PTPRK: variants seen among roughly 807,000 people sequenced by gnomAD.
PTPRK encodes the protein receptor-type tyrosine-protein phosphatase kappa.
A neutral mutation model predicts 178.0 loss-of-function variants in PTPRK; 75 were observed. The ratio of observed to expected loss-of-function variants is 0.42; its 90% CI spans 0.35 to 0.51. The LOEUF (loss-of-function observed/expected upper bound fraction) is 0.51. Among genes scored for constraint, PTPRK ranks in the 20% least tolerant of loss-of-function variants. The pLI is 0.02. For synonymous variants in PTPRK, 637 were observed against 620.6 expected (o/e 1.03, Z -0.39); for missense variants, 1,441 against 1,797.8 (o/e 0.80, Z 3.59).
At chr6:128,376,807 A>G (rs1234976152) in intron 2 of PTPRK, among the ~76,000 whole-genome samples, 1 of 152,164 alleles carries the variant, frequency 6.6e-6, no homozygotes, top group Non-Finnish European at 1.5e-5. Flanking sequence ...ACCTCTCTCA[A>G]GTTCAAACTT....
At chr6:128,040,001 A>G (rs1241836341) in intron 13 of PTPRK, among the ~76,000 whole-genome samples, 1 of 152,206 alleles carries the variant, frequency 6.6e-6, no homozygotes, top group Non-Finnish European at 1.5e-5. Context: ...TAAATTTAAA[A>G]AAAGCAAATT....
chr6:128,035,795 A>G (rs982179846), intron 13 of PTPRK, among the ~76,000 whole-genome samples: 2 of 152,036 alleles, frequency 1.3e-5, no homozygotes, highest in Non-Finnish European at 2.9e-5. Context: ...CAGTTAGATT[A>G]AGACTCTATA....
At chr6:128,283,148 T>C (rs1156756186) in intron 3 of PTPRK, among the ~76,000 whole-genome samples, 2 of 152,124 alleles carry the variant, frequency 1.3e-5, no homozygotes, top group African/African-American at 2.4e-5. Flanking sequence ...TGACTTGTGC[T>C]CGCCCCCAAG....
At chr6:128,012,033 T>G (rs576647140) in intron 13 of PTPRK, among the ~76,000 whole-genome samples, 1 of 151,272 alleles carries the variant, frequency 6.6e-6, no homozygotes, top group South Asian at 2.1e-4. Flanking sequence ...ACAATTCTTG[T>G]GCCAAGAGTT....
In PTPRK at chr6:128,082,493, C is replaced by T. The variant is rs755407828; in HGVS notation, c.1721G>A (p.Ser574Asn). The change falls in exon 10 of 30, where the codon AGC becomes AAC. Residue 574 changes from serine (S) to asparagine (N), a missense_variant. Physicochemically the swap from Ser to Asn is conservative, Grantham distance 46 (BLOSUM62 1). This residue lies in a region of PTPRK where 945 missense variants were observed against 1,080.6 expected (regional missense o/e 0.87). Transcript: ENST00000368226. The part of the protein sequence containing the change: ...GTTYQFFIRA[S>N]TVKGFGPATA... ...GGCTGGACCAAAGCCTTTGACCGTG[C>T]TGGCTCTTATGAAAAACTGGTACGT... 6.2e-7 allele frequency: 1 copy of T among 1,613,552 alleles called. No homozygotes were observed. Among genetic ancestry groups the T allele is most frequent in the Admixed American group, 1.7e-5 (1 of 59,952 alleles).
chr6:128,450,502 C>T (rs2128405855), intron 1 of PTPRK, among the ~76,000 whole-genome samples: 1 of 152,242 alleles, frequency 6.6e-6, no homozygotes, highest in African/African-American at 2.4e-5. Flanking sequence ...CCTCCCCTGC[C>T]CCAAACCACG....
chr6:128,098,695 G>A (rs1356894747), intron 7 of PTPRK, among the ~76,000 whole-genome samples: 1 of 149,462 alleles, frequency 6.7e-6, no homozygotes, highest in Non-Finnish European at 1.5e-5. Context: ...TAATATTTAT[G>A]TGAAGATTCT....
chr6:128,433,465 T>C (rs1845103086), intron 1 of PTPRK, among the ~76,000 whole-genome samples: 1 of 152,202 alleles, frequency 6.6e-6, no homozygotes, highest in African/African-American at 2.4e-5. Context: ...TTCATTCTTT[T>C]TATTCCAGGG....
chr6:128,105,570 T>C (rs769678204), intron 7 of PTPRK, among the ~76,000 whole-genome samples: 4 of 152,220 alleles, frequency 2.6e-5, no homozygotes, highest in African/African-American at 7.2e-5. Context: ...ATAAAACTCA[T>C]GAAGACAGAA....
At chr6:128,372,414 G>T (rs1280006350) in intron 2 of PTPRK, among the ~76,000 whole-genome samples, 4 of 152,024 alleles carry the variant, frequency 2.6e-5, no homozygotes, top group Non-Finnish European at 5.9e-5. Context: ...GAACACTCAG[G>T]AACAAAAGAA....
chr6:128,112,420 T>C (rs962790259), intron 7 of PTPRK, among the ~76,000 whole-genome samples: 3 of 152,108 alleles, frequency 2.0e-5, no homozygotes, highest in Non-Finnish European at 4.4e-5. Context: ...TCATCAGTAC[T>C]TTTTATGTTA....
intron 6 of PTPRK, among the ~76,000 whole-genome samples, chr6:128,186,627 G>GA (rs756026582): frequency 6.6e-6 from 1 of 151,882 alleles, no homozygotes; most frequent in Non-Finnish European, 1.5e-5. Context: ...ATTCACAAAA[G>GA]AAAAAAGTTT....
intron 5 of PTPRK, among the ~76,000 whole-genome samples, chr6:128,239,125 G>GCTTTTTTTTTTTTTTTTT (rs1813897136): frequency 1.0e-5 from 1 of 98,780 alleles, no homozygotes; most frequent in African/African-American, 3.2e-5. Flanking sequence ...AACTCATCTT[G>GCTTTTTTTTTTTTTTTTT]TTTTTTTTTT....
intron 1 of PTPRK, among the ~76,000 whole-genome samples, chr6:128,458,157 C>T (rs1848615791): frequency 6.6e-6 from 1 of 152,058 alleles, no homozygotes; most frequent in African/African-American, 2.4e-5. Context: ...TTTAGTGGCA[C>T]AAACTGTCAA....
At chr6:128,123,572 T>G (rs1336506788) in intron 7 of PTPRK, among the ~76,000 whole-genome samples, 4 of 152,222 alleles carry the variant, frequency 2.6e-5, no homozygotes, top group Non-Finnish European at 5.9e-5. Context: ...TAACATGGTA[T>G]GTTTGTCAAA....
intron 1 of PTPRK, among the ~76,000 whole-genome samples, chr6:128,500,058 A>G (rs1855309515): frequency 6.6e-6 from 1 of 152,226 alleles, no homozygotes; most frequent in African/African-American, 2.4e-5. Flanking sequence ...AAGGGATACA[A>G]TGTTTACCTC....
At chr6:127,983,197 A>G in intron 23 of PTPRK, 45 bp downstream of exon 23, 1 of 1,482,228 alleles carries the variant, frequency 6.7e-7, no homozygotes. Flanking sequence ...GTTTGCAAAA[A>G]AAATAAAAAA....
chr6:128,234,022 T>TACCCTGTAGGGTCC (rs1812778075), intron 5 of PTPRK, among the ~76,000 whole-genome samples: 1 of 152,210 alleles, frequency 6.6e-6, no homozygotes, highest in South Asian at 2.1e-4. Context: ...CTATTTGATT[T>TACCCTGTAGGGTCC]ACCCTGTAGG....
chr6:128,116,810 A>G (rs1791599958), intron 7 of PTPRK, among the ~76,000 whole-genome samples: 1 of 152,232 alleles, frequency 6.6e-6, no homozygotes, highest in Non-Finnish European at 1.5e-5. Flanking sequence ...AAGAGACAAA[A>G]TTGTCATTAC....
Sources: allele counts gnomAD v4.1 joint callset (sites outside exome capture counted in the v4.1 genomes callset), GRCh38; gene constraint gnomAD v4.1.1; regional missense constraint gnomAD v4.1.1; transcripts MANE v1.5; gene names NCBI Gene and HGNC (gene_info 2026-07-23, HGNC 2026-07-21).